Variants in LAMA2 observed in about 807,000 individuals in gnomAD.
LAMA2 encodes the protein laminin subunit alpha-2.
In LAMA2, 269 loss-of-function variants were observed where a neutral mutation model predicts 364.8. The observed-to-expected ratio is 0.74, with a 90% CI of 0.67 to 0.82. The LOEUF is 0.82. Among genes scored for constraint, LAMA2 ranks in the 40% least tolerant of loss-of-function variants. The probability of loss-of-function intolerance (pLI) is 0.00; values close to 1 mark genes in which losing one functional copy is unlikely to be tolerated. For synonymous variants in LAMA2, 1,379 were observed against 1,370.6 expected, an observed-to-expected ratio of 1.01 and a Z score of -0.14; for missense variants, 3,807 against 3,873.2, an observed-to-expected ratio of 0.98 and a Z score of 0.45.
Position 129,314,813 on chromosome 6 carries a change from G to T in LAMA2, c.3555+15G>T. 1 of 1,613,558 alleles carries T rather than the reference G, an allele frequency of 6.2e-7. No individual in the cohort carries two copies. Among genetic ancestry groups the T allele is most frequent in the Non-Finnish European group, 8.5e-7 (1 of 1,179,614 alleles). On this transcript the variant is annotated intron_variant, in intron 24 of 64. Coordinates refer to ENST00000421865, the MANE Select transcript of LAMA2 (RefSeq NM_000426.4). ...TCCGGACGTGGGTGAGTAGGGAACT[G>T]CTGAGCCATGTAATGGTATAATGTT...
intron 1 of LAMA2, among the ~76,000 whole-genome samples, chr6:128,943,773 G>C (rs2114549369): frequency 6.6e-6 from 1 of 152,322 alleles, no homozygotes; most frequent in East Asian, 1.9e-4. Flanking sequence ...AAGAAGACAA[G>C]AAAAATGTCT....
At chr6:129,205,907 C>T (rs1362509493) in intron 12 of LAMA2, among the ~76,000 whole-genome samples, 1 of 151,720 alleles carries the variant, frequency 6.6e-6, no homozygotes, top group African/African-American at 2.4e-5. Context: ...CATGTAGTCC[C>T]CACTACCAGG....
At chr6:128,944,548 A>AT (rs1199136381) in intron 1 of LAMA2, among the ~76,000 whole-genome samples, 1 of 151,940 alleles carries the variant, frequency 6.6e-6, no homozygotes, top group Non-Finnish European at 1.5e-5. Context: ...TAATCCCAGG[A>AT]TTTTGGGAGG....
intron 41 of LAMA2, among the ~76,000 whole-genome samples, chr6:129,438,160 GTGTATTTT>G (rs1781927737): frequency 6.6e-6 from 1 of 151,518 alleles, no homozygotes; most frequent in Non-Finnish European, 1.5e-5. Context: ...TTTCTTTAAT[GTGTATTTT>G]TGTCCAAATA....
At chr6:129,032,858 A>G (rs899900985) in intron 1 of LAMA2, among the ~76,000 whole-genome samples, 2 of 152,138 alleles carry the variant, frequency 1.3e-5, no homozygotes, top group Non-Finnish European at 2.9e-5. Context: ...GGTTTTCTCT[A>G]TGAGACACTG....
chr6:129,200,312 A>G (rs1333420348), intron 12 of LAMA2, among the ~76,000 whole-genome samples: 1 of 141,304 alleles, frequency 7.1e-6, no homozygotes. Flanking sequence ...GTGTGTATAT[A>G]TATACGTGTA....
At chr6:129,316,318 C>T (rs1462048464) in intron 27 of LAMA2, 147 bp downstream of exon 27, 3 of 677,730 alleles carry the variant, frequency 4.4e-6, no homozygotes, top group Non-Finnish European at 7.5e-6. Context: ...TTCCCTGTGA[C>T]CTGGAAGAAG....
intron 20 of LAMA2, 115 bp from the exon 21 acceptor site, chr6:129,297,570 A>G: frequency 1.1e-6 from 1 of 912,128 alleles, no homozygotes; most frequent in Admixed American, 2.0e-5. Context: ...ATCAGTGAGG[A>G]ATCCTGATAA....
At chr6:129,148,585 A>T (rs1778618455) in intron 6 of LAMA2, among the ~76,000 whole-genome samples, 1 of 152,108 alleles carries the variant, frequency 6.6e-6, no homozygotes. Context: ...CTAGAGGCCT[A>T]GGAATCAACT....
chr6:128,911,239 G>A (rs866593302), intron 1 of LAMA2, among the ~76,000 whole-genome samples: 7 of 152,226 alleles, frequency 4.6e-5, no homozygotes, highest in East Asian at 1.9e-4. Context: ...CCCCAGCCTC[G>A]CTGCCGCCTT....
At chr6:129,363,096 G>A (rs1777559576) in intron 32 of LAMA2, among the ~76,000 whole-genome samples, 1 of 152,048 alleles carries the variant, frequency 6.6e-6, no homozygotes. Flanking sequence ...ATCACTTGAG[G>A]CCAGGAGTCT....
chr6:129,334,198 C>T (rs1273276898), intron 29 of LAMA2, among the ~76,000 whole-genome samples: 1 of 152,152 alleles, frequency 6.6e-6, no homozygotes, highest in African/African-American at 2.4e-5. Flanking sequence ...ATATCATATC[C>T]ATTATACAGT....
chr6:129,031,253 A>G (rs1315088565), intron 1 of LAMA2, among the ~76,000 whole-genome samples: 1 of 152,246 alleles, frequency 6.6e-6, no homozygotes, highest in African/African-American at 2.4e-5. Flanking sequence ...TTGCTTTTAT[A>G]GCATAAAACA....
Position 129,291,533 on chromosome 6 carries a change from T to C in LAMA2, c.2750-81T>C, listed in dbSNP as rs1417811515. On this transcript the variant is annotated intron_variant, in intron 19 of 64. Coordinates refer to ENST00000421865, the MANE Select transcript of LAMA2 (RefSeq NM_000426.4). ...CTGAACTTAGGCGTCCATGTTACCA[T>C]GTGGGGTATATTATTATTTAACAAG... The C allele has an allele frequency of 4.2e-6, 4 of 943,164 alleles. No individual in the cohort carries two copies. In the African/African-American group the frequency reaches 6.6e-5, roughly 15 times the overall value. 58.4% of individuals were successfully genotyped at this position (943,164 alleles called of 1,614,324 possible).
Position 129,297,877 on chromosome 6 carries a change from T to C in LAMA2, c.3037+12T>C, listed in dbSNP as rs1182694033. 6.2e-7 allele frequency: 1 copy of C among 1,610,390 alleles called. No individual in the cohort carries two copies. The highest frequency in any genetic ancestry group is 8.5e-7 in the Non-Finnish European group (1 of 1,177,442). On this transcript the variant is annotated intron_variant, in intron 21 of 64. Transcript: ENST00000421865. Reference sequence around the variant, plus strand: ...AGGAGGCTGCACAGGTCTGTAAATATGACTTAAGTCCTACATATTCACTCT... The same window carrying C: ...AGGAGGCTGCACAGGTCTGTAAATACGACTTAAGTCCTACATATTCACTCT...
chr6:128,934,527 A>G (rs546737420), intron 1 of LAMA2, among the ~76,000 whole-genome samples: 1 of 150,400 alleles, frequency 6.6e-6, no homozygotes, highest in Middle Eastern at 3.5e-3. Context: ...CTGAGGTGGA[A>G]TTTCCCTCTT....
intron 27 of LAMA2, among the ~76,000 whole-genome samples, chr6:129,318,858 G>A (rs1394875050): frequency 6.6e-6 from 1 of 152,136 alleles, no homozygotes; most frequent in Non-Finnish European, 1.5e-5. Context: ...ACTCCTGGAG[G>A]TAACTTTTAT....
At chr6:128,938,665 G>A (rs1317275208) in intron 1 of LAMA2, among the ~76,000 whole-genome samples, 2 of 152,160 alleles carry the variant, frequency 1.3e-5, no homozygotes. Flanking sequence ...CTTCGGAGAA[G>A]TATTCTTTCT....
rs181443261 is a variant in LAMA2 at position 129,471,962 on chromosome 6, G to A, written c.7301-1252G>A. 3.9e-5 allele frequency among the ~76,000 whole-genome samples: 6 copies of A among 151,988 alleles called. No homozygotes were observed. The East Asian group carries it at 1.2e-3, about 29-fold the overall frequency. ...CTTCAAGGGAATTTTGGAATTTGATGTTTCTCTCTGTTTTCCAAAGAACAC... is the reference window on the plus strand; with the variant it reads ...CTTCAAGGGAATTTTGGAATTTGATATTTCTCTCTGTTTTCCAAAGAACAC... On this transcript the variant is annotated intron_variant, in intron 51 of 64. Coordinates refer to ENST00000421865, the MANE Select transcript of LAMA2 (RefSeq NM_000426.4).
Sources: allele counts gnomAD v4.1 joint callset (sites outside exome capture counted in the v4.1 genomes callset), GRCh38; gene constraint gnomAD v4.1.1; transcripts MANE v1.5; gene names NCBI Gene and HGNC (gene_info 2026-07-23, HGNC 2026-07-21).